Variants in HDAC9 observed in about 807,000 individuals in gnomAD.
HDAC9 encodes histone deacetylase 9.
HDAC9 carries 41 observed loss-of-function variants against 139.4 expected under a neutral mutation model. That is an observed-to-expected ratio of 0.29 (90% CI 0.23 to 0.38). The LOEUF is 0.38. Among genes scored for constraint, HDAC9 ranks in the 10% least tolerant of loss-of-function variants. The pLI, the probability that HDAC9 is intolerant of heterozygous loss-of-function variation, is 1.00. For missense variants in HDAC9, 1,147 were observed against 1,297.0 expected (o/e 0.88, Z 1.78); for synonymous variants, 517 against 476.2 (o/e 1.09, Z -1.12).
At chr7:18,943,908 A>G (rs867434597) in intron 23 of HDAC9, among the ~76,000 whole-genome samples, 1 of 152,148 alleles carries the variant, frequency 6.6e-6, no homozygotes, top group African/African-American at 2.4e-5. Context: ...AATAATTTCA[A>G]TAGTTTGTCA....
chr7:18,347,026 C>T (rs1378946964), intron 1 of HDAC9, among the ~76,000 whole-genome samples: 1 of 152,074 alleles, frequency 6.6e-6, no homozygotes, highest in Non-Finnish European at 1.5e-5. Context: ...TATATTGTAC[C>T]ATGGGATGGG....
Position 18,793,688 on chromosome 7 carries a change from G to T in HDAC9, c.2322+236G>T, listed in dbSNP as rs138561512. Among the ~76,000 whole-genome samples, 96 of 152,290 alleles carry T rather than the reference G, an allele frequency of 6.3e-4. 2 individuals carry two copies. The East Asian group carries it at 0.015, about 24-fold the overall frequency. ...CTCTGCAGTCAGGGCCCACCGGTGTGCATGTAAGAGCACAGAGATAATAAG... is the reference window on the plus strand; with the variant it reads ...CTCTGCAGTCAGGGCCCACCGGTGTTCATGTAAGAGCACAGAGATAATAAG... On this transcript the variant is annotated intron_variant, in intron 17 of 25. Coordinates refer to ENST00000686413, the MANE Select transcript of HDAC9 (RefSeq NM_178425.4).
At chr7:18,167,586 G>A (rs1234682828) in intron 2 of HDAC9, among the ~76,000 whole-genome samples, 1 of 152,124 alleles carries the variant, frequency 6.6e-6, no homozygotes, top group Non-Finnish European at 1.5e-5. Flanking sequence ...CCTTTGCCCC[G>A]GACAGCTTCT....
rs185999522 is a variant in HDAC9, at chr7:18,638,069, C to T, written c.912+3327C>T. Among the ~76,000 whole-genome samples, 12 of 152,132 alleles carry T rather than the reference C, an allele frequency of 7.9e-5. No homozygotes were observed. The East Asian group carries it at 2.3e-3, about 30-fold the overall frequency. On this transcript the variant is annotated intron_variant, in intron 8 of 25. Transcript: ENST00000686413. ...TGAATTATTTGCATAATATATTGCA[C>T]TCTAAAAAAATGGTTGCATACTTTA...
intron 21 of HDAC9, among the ~76,000 whole-genome samples, chr7:18,867,456 G>A (rs1798579654): frequency 6.6e-6 from 1 of 152,134 alleles, no homozygotes. Flanking sequence ...ATGTTTTAAA[G>A]TATTTAAGTC....
chr7:18,266,435 A>G (rs1310436240), intron 2 of HDAC9, among the ~76,000 whole-genome samples: 3 of 152,166 alleles, frequency 2.0e-5, no homozygotes, highest in Non-Finnish European at 2.9e-5. Context: ...TTTTTAAGAA[A>G]ACAGCTAGTT....
chr7:18,480,119 A>C (rs981970038), intron 1 of HDAC9, among the ~76,000 whole-genome samples: 4 of 151,024 alleles, frequency 2.6e-5, no homozygotes, highest in African/African-American at 9.8e-5. Context: ...ATTTATTTTG[A>C]GTATGAGGTT....
chr7:18,625,360 C>T (rs1222665070), intron 6 of HDAC9, among the ~76,000 whole-genome samples: 2 of 152,170 alleles, frequency 1.3e-5, no homozygotes, highest in East Asian at 3.9e-4. Flanking sequence ...CAATTATTAA[C>T]AGCTGCCATT....
At position 18,512,307 on chromosome 7, in the gene HDAC9, TAA is replaced by T. The variant is rs1351080106; in HGVS notation, c.22+15985_22+15986del. Among the ~76,000 whole-genome samples, 3 of 152,114 alleles carry T rather than the reference TAA, an allele frequency of 2.0e-5. No homozygotes were observed. In the East Asian group the frequency reaches 5.8e-4, roughly 29 times the overall value. Reference sequence around the variant, plus strand: ...AAGGAAAATAAAATAATTGAAATAATAAAGAGTTCACTTATATTGCTCAGTAC... The same window carrying T: ...AAGGAAAATAAAATAATTGAAATAATAGAGTTCACTTATATTGCTCAGTAC... On this transcript the variant is annotated intron_variant, in intron 2 of 25. Coordinates refer to ENST00000686413, the MANE Select transcript of HDAC9 (RefSeq NM_178425.4).
Position 18,446,540 on chromosome 7 carries a change from C to T in HDAC9, c.-41-49722C>T, listed in dbSNP as rs180897950. 8.9e-3 allele frequency among the ~76,000 whole-genome samples: 1,348 copies of T among 152,240 alleles called. 5 individuals are homozygous for T. Among genetic ancestry groups the T allele is most frequent in the Non-Finnish European group, 0.014 (954 of 68,016 alleles). On this transcript the variant is annotated intron_variant, in intron 1 of 3. Coordinates refer to the HDAC9 transcript ENST00000413509. ...AGGTTTTTTAATTACAAAAGTAATA[C>T]TTGCTTATTGTTTTCAAATATATTA...
At chr7:18,277,102 A>C (rs146286807) in intron 2 of HDAC9, among the ~76,000 whole-genome samples, 1 of 152,348 alleles carries the variant, frequency 6.6e-6, no homozygotes, top group East Asian at 1.9e-4. Context: ...AAACAAAACA[A>C]AAAACAAAAA....
chr7:18,704,147 G>A (rs1783707703), intron 12 of HDAC9, among the ~76,000 whole-genome samples: 1 of 152,214 alleles, frequency 6.6e-6, no homozygotes, highest in Admixed American at 6.5e-5. Flanking sequence ...TCAGGACCCA[G>A]TGGCACCCAG....
intron 2 of HDAC9, among the ~76,000 whole-genome samples, chr7:18,267,759 C>T (rs551000750): frequency 6.6e-6 from 1 of 152,206 alleles, no homozygotes; most frequent in Admixed American, 6.5e-5. Context: ...GTGAACATGG[C>T]AGTGCAGATA....
chr7:18,235,710 A>T (rs185369092), intron 2 of HDAC9, among the ~76,000 whole-genome samples: 1 of 152,348 alleles, frequency 6.6e-6, no homozygotes, highest in Admixed American at 6.5e-5. Flanking sequence ...TGAGATTGCC[A>T]TGGCAGGGAA....
rs10257161 is a variant in HDAC9 at position 18,233,410 on chromosome 7, A to T, written c.25+71061A>T. On this transcript the variant is annotated intron_variant, in intron 2 of 12. Transcript: ENST00000417496. ...GCGGTTTCAGTACTGATGAGACCCC[A>T]AGAGGAATGAATCTTTTTGGGTCTT... Among the ~76,000 whole-genome samples, 11 of 141,868 alleles carry T rather than the reference A, an allele frequency of 7.8e-5. No homozygotes were observed. In the Admixed American group the frequency reaches 7.8e-4, roughly 10 times the overall value. The allele number at this position is 141,868 out of a possible 152,430, so 93.1% of individuals were successfully genotyped here. A position where few individuals can be genotyped will look rare whatever the true frequency, so the allele number is the denominator to read the frequency against.
chr7:18,892,909 A>G (rs1427099520), intron 22 of HDAC9, among the ~76,000 whole-genome samples: 2 of 151,830 alleles, frequency 1.3e-5, no homozygotes, highest in Non-Finnish European at 1.5e-5. Flanking sequence ...GAGTTTAAGG[A>G]ACTTAAGTTT....
intron 13 of HDAC9, among the ~76,000 whole-genome samples, chr7:18,732,460 T>C (rs1786150902): frequency 1.2e-5 from 1 of 80,312 alleles, no homozygotes; most frequent in Non-Finnish European, 2.4e-5. Flanking sequence ...GTGTGTATAT[T>C]TGTATGTGTG....
intron 21 of HDAC9, among the ~76,000 whole-genome samples, chr7:18,852,424 A>T (rs961768937): frequency 3.3e-5 from 5 of 152,170 alleles, no homozygotes; most frequent in African/African-American, 1.2e-4. Flanking sequence ...TATCATTCCT[A>T]TTCTGAGGCC....
intron 2 of HDAC9, among the ~76,000 whole-genome samples, chr7:18,208,912 CAT>C (rs1405421470): frequency 6.6e-6 from 1 of 152,168 alleles, no homozygotes; most frequent in African/African-American, 2.4e-5. Context: ...CTGCCTTACT[CAT>C]ATGTGCATTT....
Sources: allele counts gnomAD v4.1 joint callset (sites outside exome capture counted in the v4.1 genomes callset), GRCh38; gene constraint gnomAD v4.1.1; transcripts MANE v1.5; gene names NCBI Gene and HGNC (gene_info 2026-07-23, HGNC 2026-07-21).